The following RAP1GAP2 variants were observed in gnomAD, a reference collection of about 807,000 sequenced individuals.
RAP1GAP2 encodes the protein RAP1 GTPase activating protein 2.
RAP1GAP2 carries 27 observed loss-of-function variants against 95.0 expected under a neutral mutation model. That is an observed-to-expected ratio of 0.28 (90% confidence interval 0.21 to 0.39). The LOEUF (loss-of-function observed/expected upper bound fraction) is 0.39. Among genes scored for constraint, RAP1GAP2 ranks in the 10% least tolerant of loss-of-function variants. The pLI is 1.00. For missense variants in RAP1GAP2, 771 were observed against 970.0 expected (o/e 0.79, Z 2.72); for synonymous variants, 373 against 380.9 (o/e 0.98, Z 0.24).
At chr17:2,763,910 G>A (rs1327941996) in intron 1 of RAP1GAP2, among the ~76,000 whole-genome samples, 1 of 151,866 alleles carries the variant, frequency 6.6e-6, no homozygotes. Context: ...CTTTCAGCCT[G>A]GGGACCTGTG....
chr17:2,776,881 G>T (rs1199190591), upstream of RAP1GAP2, among the ~76,000 whole-genome samples: 1 of 152,020 alleles, frequency 6.6e-6, no homozygotes, highest in East Asian at 1.9e-4. Context: ...GGGAGGGGGC[G>T]ACCGCGGGGA....
At chr17:2,954,834 C>T (rs955203873) in intron 3 of RAP1GAP2, among the ~76,000 whole-genome samples, 25 of 151,984 alleles carry the variant, frequency 1.6e-4, no homozygotes, top group African/African-American at 5.3e-4. Flanking sequence ...CCTCGTGATC[C>T]GCCTGCCTCA....
In RAP1GAP2 at chr17:2,904,530, C is replaced by CTTTGTGTG. The variant is rs1555565310; in HGVS notation, c.81-753_81-752insTTGTGTGT. On this transcript the variant is annotated intron_variant, in intron 2 of 24. Transcript: ENST00000254695. The surrounding 1 kb of genome is among the most constrained non-coding windows in gnomAD (Gnocchi z 4.7). ...CCGAGGACAGCTTTTTGACCAGGGC[C>CTTTGTGTG]TGTGTGTGTGTGTGTGTGTGTGTGT... 1.5e-5 allele frequency among the ~76,000 whole-genome samples: 2 copies of CTTTGTGTG among 129,082 alleles called. No homozygotes were observed. Among genetic ancestry groups the CTTTGTGTG allele is most frequent in the Admixed American group, 7.9e-5 (1 of 12,674 alleles). 84.7% of individuals were successfully genotyped at this position (129,082 alleles called of 152,430 possible).
chr17:2,978,165 G>A (rs571994706), intron 8 of RAP1GAP2, among the ~76,000 whole-genome samples: 9 of 152,208 alleles, frequency 5.9e-5, no homozygotes, highest in East Asian at 3.9e-4. Flanking sequence ...AAATTCATCC[G>A]TACCATGGAT....
chr17:2,935,504 T>TCA (rs376852482), intron 3 of RAP1GAP2, among the ~76,000 whole-genome samples: 154 of 150,468 alleles, frequency 1.0e-3, no homozygotes, highest in South Asian at 3.3e-3. Flanking sequence ...TGAAACTCTG[T>TCA]CACACACACA....
At position 3,005,861 on chromosome 17, in the gene RAP1GAP2, C is replaced by T; in HGVS notation, c.1273-94C>T. Reference sequence around the variant, plus strand: ...GAAGGGACTTTTCAGGGGTTCTCCCCATGGCCCCGGCTCTGCCTGCCTGTC... The same window carrying T: ...GAAGGGACTTTTCAGGGGTTCTCCCTATGGCCCCGGCTCTGCCTGCCTGTC... On this transcript the variant is annotated intron_variant, in intron 15 of 24. Coordinates refer to ENST00000254695, the MANE Select transcript of RAP1GAP2 (RefSeq NM_015085.5). This position sits in a 1 kb window ranked among gnomAD's most constrained non-coding sequence, Gnocchi z 5.2. 1.7e-6 allele frequency: 2 copies of T among 1,211,348 alleles called. No homozygotes were observed. The highest frequency in any genetic ancestry group is 2.5e-6 in the Non-Finnish European group (2 of 814,084). The allele number at this position is 1,211,348 out of a possible 1,614,324, so 75.0% of individuals were successfully genotyped here.
intron 4 of RAP1GAP2, among the ~76,000 whole-genome samples, chr17:2,961,964 G>A (rs1031958360): frequency 2.7e-5 from 4 of 149,000 alleles, no homozygotes; most frequent in African/African-American, 5.0e-5. Context: ...GTGCAATGGC[G>A]CGATCTCGGC....
chr17:2,986,552 T>A (rs1907927921), intron 11 of RAP1GAP2, among the ~76,000 whole-genome samples: 1 of 151,970 alleles, frequency 6.6e-6, no homozygotes, highest in African/African-American at 2.4e-5. Flanking sequence ...TTTTTTTTTT[T>A]TTTTTAAGAA....
chr17:2,763,312 A>G (rs1419749504), intron 1 of RAP1GAP2, among the ~76,000 whole-genome samples: 3 of 152,164 alleles, frequency 2.0e-5, no homozygotes, highest in Admixed American at 6.6e-5. Context: ...GATTTCAGAG[A>G]TGGATCAGAT....
chr17:2,789,607 T>TAAAAAAA, intron 1 of RAP1GAP2, among the ~76,000 whole-genome samples: 1 of 74,822 alleles, frequency 1.3e-5, no homozygotes, highest in Non-Finnish European at 2.4e-5. Flanking sequence ...CAGTCTCTAC[T>TAAAAAAA]AAAAAAAAAA....
At chr17:2,769,329 G>A (rs949807458) in intron 1 of RAP1GAP2, among the ~76,000 whole-genome samples, 3 of 149,394 alleles carry the variant, frequency 2.0e-5, no homozygotes, top group East Asian at 2.0e-4. Context: ...GCCGAGGCGG[G>A]CGGATCACGA....
In RAP1GAP2 at chr17:3,008,685, C is replaced by G. The variant is rs2046412109; in HGVS notation, c.1494+540C>G. 6.6e-6 allele frequency among the ~76,000 whole-genome samples: 1 copy of G among 152,206 alleles called. No individual in the cohort carries two copies. Among genetic ancestry groups the G allele is most frequent in the African/African-American group, 2.4e-5 (1 of 41,454 alleles). On this transcript the variant is annotated intron_variant, in intron 17 of 24. Coordinates refer to ENST00000254695, the MANE Select transcript of RAP1GAP2 (RefSeq NM_015085.5). This position sits in a 1 kb window ranked among gnomAD's most constrained non-coding sequence, Gnocchi z 4.2. The stretch of plus-strand genomic sequence containing the variant: ...GAAAAAAACTAACTAGAAGGAGCTG[C>G]TAAAGGAAGCAGTGAGCTCCCTGTC...
At chr17:2,920,269 G>A (rs575353612) in intron 3 of RAP1GAP2, among the ~76,000 whole-genome samples, 111 of 152,082 alleles carry the variant, frequency 7.3e-4, no homozygotes, top group Non-Finnish European at 1.3e-3. Context: ...TCCTCTTTCT[G>A]CCTGTTGGTG....
chr17:2,762,307 T>C (rs1029650073), intron 1 of RAP1GAP2, among the ~76,000 whole-genome samples: 1 of 151,922 alleles, frequency 6.6e-6, no homozygotes, highest in Non-Finnish European at 1.5e-5. Context: ...ATATCCTTTT[T>C]AGAGAAAGGA....
At chr17:2,991,491 A>T in intron 12 of RAP1GAP2, 94 bp downstream of exon 12, 1 of 909,352 alleles carries the variant, frequency 1.1e-6, no homozygotes. Context: ...CGTGTGAGTT[A>T]AAAACACACA....
Position 3,018,145 on chromosome 17 carries a change from C to T in RAP1GAP2, c.1579C>T (p.Leu527Phe), listed in dbSNP as rs1459918575. The change falls in exon 18 of 25, where the codon CTC (leucine) becomes TTC (phenylalanine). Residue 527 changes from leucine to phenylalanine, a missense_variant. Coordinates refer to ENST00000254695, the MANE Select transcript of RAP1GAP2 (RefSeq NM_015085.5). The part of the protein sequence containing the change: ...KSHSGGIPGS[L>F]SGGISHNSME... Reference sequence around the variant, plus strand: ...GCACAGTGGGGGCATCCCTGGCAGCCTCAGCGGGGGCATCTCCCACAACAG... The same window carrying T: ...GCACAGTGGGGGCATCCCTGGCAGCTTCAGCGGGGGCATCTCCCACAACAG... 3 of 1,581,944 alleles carry T rather than the reference C, an allele frequency of 1.9e-6. No individual in the cohort carries two copies. The highest frequency in any genetic ancestry group is 2.6e-6 in the Non-Finnish European group (3 of 1,164,632).
At chr17:2,756,294 G>T (rs58698413) in intron 1 of RAP1GAP2, among the ~76,000 whole-genome samples, 35,999 of 152,210 alleles carry the variant, frequency 0.24, 4,573 homozygotes, top group East Asian at 0.5. Context: ...CAGAGAAGGG[G>T]GCCTAGGAGA....
At chr17:2,990,627 A>G (rs1050784194) in intron 11 of RAP1GAP2, among the ~76,000 whole-genome samples, 4 of 152,096 alleles carry the variant, frequency 2.6e-5, no homozygotes, top group African/African-American at 7.2e-5. Context: ...GTGACTCTGC[A>G]TTTAGCCTTT....
Position 2,866,634 on chromosome 17 carries a change from T to G in RAP1GAP2, c.81-38650T>G, listed in dbSNP as rs1453999716. On this transcript the variant is annotated intron_variant, in intron 2 of 24. Transcript: ENST00000254695. This position sits in a 1 kb window ranked among gnomAD's most constrained non-coding sequence, Gnocchi z 4.0. Reference sequence around the variant, plus strand: ...ATTATTTTTTGAGGCAGCATCTCCCTCTGTCGCCAGGCTGGAGTGCAGTGG... The same window carrying G: ...ATTATTTTTTGAGGCAGCATCTCCCGCTGTCGCCAGGCTGGAGTGCAGTGG... Among the ~76,000 whole-genome samples, 1 of 152,172 alleles carries G rather than the reference T, an allele frequency of 6.6e-6. No homozygotes were observed. Among genetic ancestry groups the G allele is most frequent in the Admixed American group, 6.6e-5 (1 of 15,262 alleles).
Sources: allele counts gnomAD v4.1 joint callset (sites outside exome capture counted in the v4.1 genomes callset), GRCh38; gene constraint gnomAD v4.1.1; non-coding constraint Gnocchi (gnomAD v3.1); transcripts MANE v1.5; gene names NCBI Gene and HGNC (gene_info 2026-07-23, HGNC 2026-07-21).